Variants in GAB1 observed in about 807,000 individuals in gnomAD.
The protein encoded by GAB1 is GRB2 associated binding protein 1, also known as GRB2-associated-binding protein 1.
In GAB1, 19 loss-of-function variants were observed where a neutral mutation model predicts 66.5. The observed-to-expected ratio is 0.29, with a 90% CI of 0.20 to 0.42. The LOEUF (loss-of-function observed/expected upper bound fraction) is 0.42, where lower values mean the gene tolerates loss of function less well. Among genes scored for constraint, GAB1 ranks in the 10% least tolerant of loss-of-function variants. The pLI is 1.00. For synonymous variants in GAB1, 294 were observed against 301.4 expected (o/e 0.98, Z 0.25); for missense variants, 732 against 858.5 (o/e 0.85, Z 1.84).
chr4:143,423,753 G>T (rs1001626188), intron 2 of GAB1, among the ~76,000 whole-genome samples: 2 of 128,860 alleles, frequency 1.6e-5, no homozygotes, highest in East Asian at 4.9e-4. Context: ...TCCAGCCTGG[G>T]CAACAAAGCG....
At chr4:143,412,541 CTGTT>C (rs541476405) in intron 1 of GAB1, among the ~76,000 whole-genome samples, 28 of 152,242 alleles carry the variant, frequency 1.8e-4, no homozygotes, top group Non-Finnish European at 2.8e-4. Flanking sequence ...ACTTTTCAGT[CTGTT>C]TGGGGAGTTA....
intron 1 of GAB1, among the ~76,000 whole-genome samples, chr4:143,362,454 C>G (rs1345795154): frequency 1.3e-5 from 2 of 152,086 alleles, no homozygotes; most frequent in Non-Finnish European, 2.9e-5. Context: ...AGCCCGAGGG[C>G]TGCTGGTTGG....
intron 2 of GAB1, among the ~76,000 whole-genome samples, chr4:143,430,340 C>T (rs1733587609): frequency 6.6e-6 from 1 of 152,156 alleles, no homozygotes; most frequent in Non-Finnish European, 1.5e-5. Context: ...AGCATATACT[C>T]AGACATTAGA....
chr4:143,407,395 T>C (rs1203067264), intron 1 of GAB1, among the ~76,000 whole-genome samples: 2 of 152,176 alleles, frequency 1.3e-5, no homozygotes, highest in African/African-American at 2.4e-5. Context: ...TCCTGAACTC[T>C]TTCCCTAGCT....
intron 8 of GAB1, among the ~76,000 whole-genome samples, chr4:143,465,525 A>G (rs1452120115): frequency 1.3e-5 from 2 of 152,152 alleles, no homozygotes; most frequent in Non-Finnish European, 1.5e-5. Flanking sequence ...GTTTTTCTGC[A>G]TGTTTAGCAG....
chr4:143,469,973 T>A lies in GAB1; in HGVS notation c.*784T>A, dbSNP rs1736001099. The A allele has an allele frequency of 6.6e-6, 1 of 152,634 alleles. No individual in the cohort carries two copies. Among genetic ancestry groups the A allele is most frequent in the African/African-American group, 2.4e-5 (1 of 41,454 alleles). 9.5% of individuals were successfully genotyped at this position (152,634 alleles called of 1,614,324 possible). ...ACACTTGTTAACATGTATTAAGTGT[T>A]ATTTGCAAAAGGTAGATTATGTAAC... On this transcript the variant is annotated 3_prime_UTR_variant, in exon 10 of 10. Transcript: ENST00000262994.
chr4:143,427,404 G>A (rs1333909254), intron 2 of GAB1, among the ~76,000 whole-genome samples: 1 of 152,120 alleles, frequency 6.6e-6, no homozygotes, highest in Non-Finnish European at 1.5e-5. Flanking sequence ...ATGGCCTGAA[G>A]GCGAGAATAG....
chr4:143,466,236 T>C lies in GAB1; in HGVS notation c.1926+11T>C. The stretch of plus-strand genomic sequence containing the variant: ...ACACCACCACGTAAGGTGAGTGACA[T>C]GTGACATGTCTCTTCTTTGTATACA... On this transcript the variant is annotated intron_variant, in intron 9 of 9. Transcript: ENST00000262994. 2 of 1,612,824 alleles carry C rather than the reference T, an allele frequency of 1.2e-6. No homozygotes were observed.
chr4:143,376,210 T>C (rs1408557995), intron 1 of GAB1, among the ~76,000 whole-genome samples: 2 of 152,056 alleles, frequency 1.3e-5, no homozygotes, highest in African/African-American at 2.4e-5. Context: ...AAAATACAAC[T>C]ATATGAGGTA....
intron 1 of GAB1, among the ~76,000 whole-genome samples, chr4:143,366,825 T>A (rs1041364061): frequency 6.6e-6 from 1 of 152,064 alleles, no homozygotes; most frequent in Admixed American, 6.5e-5. Context: ...TTCAATTCAA[T>A]TTTTGAATTG....
chr4:143,358,982 T>G (rs759052922), intron 1 of GAB1, among the ~76,000 whole-genome samples: 10 of 152,246 alleles, frequency 6.6e-5, no homozygotes, highest in Non-Finnish European at 1.5e-4. Context: ...TGCTGTCAGC[T>G]TGCTCCTTAG....
chr4:143,425,483 T>C, intron 2 of GAB1: 1 of 761,280 alleles, frequency 1.3e-6, no homozygotes, highest in Non-Finnish European at 2.4e-6. Flanking sequence ...CTACCATTGC[T>C]CTGTGTAACA....
intron 8 of GAB1, among the ~76,000 whole-genome samples, chr4:143,464,788 C>T (rs1205606560): frequency 2.0e-5 from 3 of 152,178 alleles, no homozygotes; most frequent in Admixed American, 1.3e-4. Context: ...CTATTAGCAG[C>T]CCTGCTACGA....
intron 1 of GAB1, among the ~76,000 whole-genome samples, chr4:143,398,019 A>G (rs1470289756): frequency 3.9e-5 from 6 of 152,248 alleles, no homozygotes; most frequent in African/African-American, 1.4e-4. Context: ...CATTCACAGC[A>G]GTCTGAGAAC....
chr4:143,339,371 C>T (rs1256357194), intron 1 of GAB1, among the ~76,000 whole-genome samples: 2 of 152,146 alleles, frequency 1.3e-5, no homozygotes, highest in Non-Finnish European at 2.9e-5. Context: ...AATAGCCGGG[C>T]GTGGTGGTGT....
intron 1 of GAB1, among the ~76,000 whole-genome samples, chr4:143,393,370 T>G (rs1369332277): frequency 2.0e-5 from 3 of 152,112 alleles, no homozygotes; most frequent in African/African-American, 7.2e-5. Context: ...TGTTAAGTGG[T>G]TAAGGGCACA....
chr4:143,417,029 G>A (rs994158974), intron 2 of GAB1, among the ~76,000 whole-genome samples: 1 of 152,172 alleles, frequency 6.6e-6, no homozygotes, highest in Non-Finnish European at 1.5e-5. Flanking sequence ...GAATTACTTA[G>A]CACAGGTCCT....
intron 2 of GAB1, among the ~76,000 whole-genome samples, chr4:143,418,778 A>C (rs942453139): frequency 2.0e-5 from 3 of 152,140 alleles, no homozygotes; most frequent in African/African-American, 7.2e-5. Flanking sequence ...TATGAGTCTA[A>C]TTTTTTGAAG....
intron 1 of GAB1, among the ~76,000 whole-genome samples, chr4:143,387,238 TCTC>T (rs1159804897): frequency 6.6e-6 from 1 of 152,136 alleles, no homozygotes; most frequent in Non-Finnish European, 1.5e-5. Flanking sequence ...TTCAAGCAAT[TCTC>T]CTGCCTCAGC....
Sources: gnomAD v4.1 joint callset for allele counts (sites outside exome capture counted in the v4.1 genomes callset) on GRCh38, gnomAD v4.1.1 for gene constraint, MANE v1.5 for transcripts, NCBI Gene and HGNC (gene_info 2026-07-23, HGNC 2026-07-21) for gene names.